The following CNTN3 variants were observed in gnomAD, a reference collection of about 807,000 sequenced individuals.
CNTN3 encodes the protein contactin 3, also known as contactin-3.
In CNTN3, 60 loss-of-function variants were observed where a neutral mutation model predicts 119.1. The ratio of observed to expected loss-of-function variants is 0.50; its 90% CI spans 0.41 to 0.62. The LOEUF (loss-of-function observed/expected upper bound fraction) is 0.62. Ranked by LOEUF, CNTN3 falls within the 20% of genes least tolerant of loss-of-function variation. The pLI, the probability that CNTN3 is intolerant of heterozygous loss-of-function variation, is 0.00. For synonymous variants in CNTN3, 450 were observed against 438.7 expected (o/e 1.03, Z -0.32); for missense variants, 1,101 against 1,242.4 (o/e 0.89, Z 1.71).
At chr3:74,497,643 A>G (rs1703088500) in intron 3 of CNTN3, among the ~76,000 whole-genome samples, 1 of 149,628 alleles carries the variant, frequency 6.7e-6, no homozygotes, top group African/African-American at 2.4e-5. Context: ...CTATTTGGCT[A>G]CAAACCAAAA....
chr3:74,264,298 A>T lies in CNTN3; in HGVS notation c.*103T>A. On this transcript the variant is annotated 3_prime_UTR_variant, in exon 23 of 23. Coordinates refer to ENST00000263665, the MANE Select transcript of CNTN3 (RefSeq NM_020872.3). ...TTTACCTATAATGAAGTAGAAAGTT[A>T]AAAATAAGAGTTGAAAAAAACATGC... 1 of 477,888 alleles carries T rather than the reference A, an allele frequency of 2.1e-6. No individual in the cohort carries two copies. Among genetic ancestry groups the T allele is most frequent in the Non-Finnish European group, 3.7e-6 (1 of 273,530 alleles). The allele number at this position is 477,888 out of a possible 1,614,324, so 29.6% of individuals were successfully genotyped here.
intron 13 of CNTN3, among the ~76,000 whole-genome samples, chr3:74,333,609 C>A (rs1703321135): frequency 6.6e-6 from 1 of 152,124 alleles, no homozygotes; most frequent in Admixed American, 6.6e-5. Flanking sequence ...CCATTTTAAT[C>A]CAGGATGACC....
chr3:74,332,769 A>G (rs1703295436), intron 13 of CNTN3, among the ~76,000 whole-genome samples: 2 of 152,234 alleles, frequency 1.3e-5, no homozygotes, highest in African/African-American at 4.8e-5. Flanking sequence ...CACAAACATA[A>G]TTATCTTCAT....
chr3:74,283,421 G>A (rs1249472572), intron 20 of CNTN3, among the ~76,000 whole-genome samples: 3 of 152,026 alleles, frequency 2.0e-5, no homozygotes, highest in East Asian at 1.9e-4. Flanking sequence ...TTTCTACTTC[G>A]GATTGGGCGT....
chr3:74,496,691 A>T (rs184648547), intron 3 of CNTN3, among the ~76,000 whole-genome samples: 8 of 152,230 alleles, frequency 5.3e-5, no homozygotes, highest in Admixed American at 2.0e-4. Context: ...AAAAGTATTA[A>T]TACTTCCTCA....
At chr3:74,316,787 C>T (rs1251367811) in intron 13 of CNTN3, among the ~76,000 whole-genome samples, 1 of 151,950 alleles carries the variant, frequency 6.6e-6, no homozygotes, top group Non-Finnish European at 1.5e-5. Context: ...AATTAGCTGG[C>T]CGTGGTGGCG....
At chr3:74,569,077 C>G (rs1231926524) in intron 1 of CNTN3, among the ~76,000 whole-genome samples, 1 of 152,158 alleles carries the variant, frequency 6.6e-6, no homozygotes, top group East Asian at 1.9e-4. Context: ...GTACCTTGAA[C>G]TTGGCAGATT....
intron 5 of CNTN3, among the ~76,000 whole-genome samples, chr3:74,405,550 T>C (rs1455098419): frequency 1.3e-5 from 2 of 152,070 alleles, no homozygotes; most frequent in African/African-American, 4.8e-5. Flanking sequence ...ATCAATATCA[T>C]TATTCCAAAA....
chr3:74,408,948 TA>T (rs780290233), intron 5 of CNTN3, among the ~76,000 whole-genome samples: 16 of 152,182 alleles, frequency 1.1e-4, no homozygotes, highest in Non-Finnish European at 1.6e-4. Flanking sequence ...TCTATTATAT[TA>T]TTTTTTATTT....
chr3:74,562,763 G>A (rs1218588137), intron 1 of CNTN3, among the ~76,000 whole-genome samples: 7 of 151,818 alleles, frequency 4.6e-5, no homozygotes, highest in Admixed American at 1.3e-4. Flanking sequence ...CTTCCTCCCT[G>A]CTCTGCCTGG....
At chr3:74,514,593 T>C (rs1309319050) in intron 2 of CNTN3, among the ~76,000 whole-genome samples, 1 of 152,108 alleles carries the variant, frequency 6.6e-6, no homozygotes, top group South Asian at 2.1e-4. Context: ...AAAATGACTC[T>C]ATCTTCTCCC....
At chr3:74,596,151 G>A (rs1360498557) in intron 1 of CNTN3, among the ~76,000 whole-genome samples, 1 of 152,052 alleles carries the variant, frequency 6.6e-6, no homozygotes, top group Non-Finnish European at 1.5e-5. Context: ...ACCTCTTCAA[G>A]GAGAACTACA....
intron 5 of CNTN3, among the ~76,000 whole-genome samples, chr3:74,404,854 A>G (rs958250715): frequency 1.3e-5 from 2 of 152,034 alleles, no homozygotes; most frequent in African/African-American, 4.8e-5. Flanking sequence ...TTTTCATGTG[A>G]ACTGTCCTTC....
chr3:74,558,805 A>T (rs1704108292), intron 1 of CNTN3, among the ~76,000 whole-genome samples: 1 of 151,916 alleles, frequency 6.6e-6, no homozygotes. Flanking sequence ...AACGTGGTAA[A>T]ACCCTATCTC....
chr3:74,503,366 T>G (rs1254098878), intron 2 of CNTN3, among the ~76,000 whole-genome samples: 1 of 152,108 alleles, frequency 6.6e-6, no homozygotes, highest in Non-Finnish European at 1.5e-5. Flanking sequence ...TTTCAGGCCA[T>G]CAGCAGCCAT....
chr3:74,455,971 C>T (rs543626369), intron 4 of CNTN3, among the ~76,000 whole-genome samples: 1 of 152,210 alleles, frequency 6.6e-6, no homozygotes, highest in Non-Finnish European at 1.5e-5. Context: ...ACATTGAAAT[C>T]TAACTGGTTT....
At chr3:74,526,520 C>G (rs1436962628) in intron 1 of CNTN3, among the ~76,000 whole-genome samples, 1 of 151,842 alleles carries the variant, frequency 6.6e-6, no homozygotes, top group Non-Finnish European at 1.5e-5. Context: ...GTAGTTCATC[C>G]ATTCTGCATG....
At chr3:74,506,284 A>G (rs2107092829) in intron 2 of CNTN3, among the ~76,000 whole-genome samples, 1 of 152,306 alleles carries the variant, frequency 6.6e-6, no homozygotes, top group African/African-American at 2.4e-5. Context: ...TAATTCCATA[A>G]AAGAAGAGGA....
rs140073968 is a variant in CNTN3 at position 74,496,363 on chromosome 3, G to T, written c.182+3296C>A. Among the ~76,000 whole-genome samples, 380 of 152,212 alleles carry T rather than the reference G, an allele frequency of 2.5e-3. 3 individuals are homozygous for T. The highest frequency in any genetic ancestry group is 0.012 in the South Asian group (56 of 4,830). ...AATACCGGACCAGGATTCCTAGATG[G>T]TAACAATTGGCCAGTGCTGAGAAGC... On this transcript the variant is annotated intron_variant, in intron 3 of 22. Transcript: ENST00000263665.
Sources: allele counts gnomAD v4.1 joint callset (sites outside exome capture counted in the v4.1 genomes callset), GRCh38; gene constraint gnomAD v4.1.1; transcripts MANE v1.5; gene names NCBI Gene and HGNC (gene_info 2026-07-23, HGNC 2026-07-21).